Variants in GPHN observed in about 807,000 individuals in gnomAD.
GPHN encodes the protein gephyrin.
Under a neutral mutation model 95.5 loss-of-function variants are expected in GPHN, and 17 were observed. That is an observed-to-expected ratio of 0.18 (90% CI 0.12 to 0.27). The LOEUF (loss-of-function observed/expected upper bound fraction) is 0.27, where lower values mean the gene tolerates loss of function less well. GPHN is among the 10% of genes least tolerant of loss of function. The pLI is 1.00. For synonymous variants in GPHN, 320 were observed against 322.5 expected (o/e 0.99, Z 0.08); for missense variants, 660 against 978.1 (o/e 0.67, Z 4.34).
chr14:67,181,131 A>T lies in GPHN; in HGVS notation c.*194A>T, dbSNP rs182102253. The T allele has an allele frequency of 1.0e-4, 66 of 659,476 alleles. No homozygotes were observed. The East Asian group carries it at 1.4e-3, about 14-fold the overall frequency. 40.9% of individuals were successfully genotyped at this position (659,476 alleles called of 1,614,324 possible). On this transcript the variant is annotated 3_prime_UTR_variant, in exon 23 of 23. Transcript: ENST00000478722. ...ACCTAAAAATAAATCTTAACAGAAA[A>T]TTCTGTTCTGATTATATCAAGGCAA...
the GPHN span, among the ~76,000 whole-genome samples, chr14:67,262,134 C>G: frequency 6.6e-6 from 1 of 152,050 alleles, no homozygotes; most frequent in African/African-American, 2.4e-5. Flanking sequence ...ACCTGTCTAC[C>G]TTTCAGGGCA....
At chr14:67,057,354 A>G (rs2075628011) in intron 10 of GPHN, among the ~76,000 whole-genome samples, 1 of 145,466 alleles carries the variant, frequency 6.9e-6, no homozygotes, top group Non-Finnish European at 1.5e-5. Context: ...AAAACCAAAC[A>G]CTGCATGTTC....
chr14:67,552,488 C>A, the GPHN span, among the ~76,000 whole-genome samples: 1 of 152,204 alleles, frequency 6.6e-6, no homozygotes, highest in Non-Finnish European at 1.5e-5. Flanking sequence ...GAAGGACTGG[C>A]TGGGTGCGGT....
intron 2 of GPHN, among the ~76,000 whole-genome samples, chr14:66,723,069 G>A (rs914522974): frequency 6.6e-6 from 1 of 151,756 alleles, no homozygotes; most frequent in Non-Finnish European, 1.5e-5. Context: ...TTTTTTGTGT[G>A]TGTGACAGGG....
At chr14:67,289,704 T>G in the GPHN span, among the ~76,000 whole-genome samples, 21 of 152,060 alleles carry the variant, frequency 1.4e-4, no homozygotes, top group African/African-American at 5.1e-4. Context: ...GTCAGTGGTG[T>G]TTCTGCAGAC....
At chr14:67,527,767 C>T in the GPHN span, among the ~76,000 whole-genome samples, 1 of 152,354 alleles carries the variant, frequency 6.6e-6, no homozygotes, top group Non-Finnish European at 1.5e-5. Flanking sequence ...TTCTATTTTA[C>T]AGTTAGGTGA....
chr14:66,581,641 A>G (rs1487015625), intron 1 of GPHN, among the ~76,000 whole-genome samples: 4 of 151,980 alleles, frequency 2.6e-5, no homozygotes, highest in African/African-American at 7.2e-5. Context: ...TGTTCTGCCT[A>G]TAAGAGAATC....
At chr14:67,417,007 C>T in the GPHN span, among the ~76,000 whole-genome samples, 1 of 152,242 alleles carries the variant, frequency 6.6e-6, no homozygotes, top group African/African-American at 2.4e-5. Context: ...TTCAGTGAAT[C>T]AAGACCACGG....
chr14:67,581,249 A>G, the GPHN span, among the ~76,000 whole-genome samples: 168 of 149,958 alleles, frequency 1.1e-3, no homozygotes, highest in African/African-American at 3.9e-3. Flanking sequence ...AGCCTTCCCT[A>G]TACTGCGTGT....
chr14:67,673,860 A>G, the GPHN span, among the ~76,000 whole-genome samples: 1 of 152,158 alleles, frequency 6.6e-6, no homozygotes, highest in Admixed American at 6.5e-5. Flanking sequence ...AAAACGTTCA[A>G]AACAAGACCA....
chr14:66,869,932 T>C (rs2063367157), intron 4 of GPHN, among the ~76,000 whole-genome samples: 1 of 152,176 alleles, frequency 6.6e-6, no homozygotes, highest in Non-Finnish European at 1.5e-5. Flanking sequence ...ATTGGTTTAT[T>C]TATTCCTTCA....
At chr14:66,951,111 A>G (rs965324443) in intron 8 of GPHN, among the ~76,000 whole-genome samples, 64 of 152,000 alleles carry the variant, frequency 4.2e-4, no homozygotes, top group African/African-American at 1.5e-3. Context: ...TTTTTAGTAG[A>G]AACGGGATTT....
At chr14:67,464,226 TCCC>T in the GPHN span, among the ~76,000 whole-genome samples, 1 of 152,096 alleles carries the variant, frequency 6.6e-6, no homozygotes, top group African/African-American at 2.4e-5. Flanking sequence ...ATATTTCCAG[TCCC>T]GCTGACCGCA....
chr14:67,493,635 C>T, the GPHN span, among the ~76,000 whole-genome samples: 1 of 152,148 alleles, frequency 6.6e-6, no homozygotes, highest in Admixed American at 6.5e-5. Context: ...CAATACCCTG[C>T]CTGTTGGGGT....
At chr14:66,714,144 G>A (rs2069937337) in intron 2 of GPHN, among the ~76,000 whole-genome samples, 1 of 152,130 alleles carries the variant, frequency 6.6e-6, no homozygotes, top group African/African-American at 2.4e-5. Context: ...AGGGATGCTG[G>A]ATTGTGTCAT....
chr14:66,657,332 A>C (rs1207140095), intron 1 of GPHN, among the ~76,000 whole-genome samples: 1 of 152,206 alleles, frequency 6.6e-6, no homozygotes, highest in African/African-American at 2.4e-5. Flanking sequence ...CTGTAACATA[A>C]AAGTACAAGG....
the GPHN span, among the ~76,000 whole-genome samples, chr14:67,522,162 G>A: frequency 2.6e-5 from 4 of 152,100 alleles, no homozygotes; most frequent in African/African-American, 4.8e-5. Context: ...GACGGAGTGA[G>A]ACTCCGTCTC....
intron 9 of GPHN, among the ~76,000 whole-genome samples, chr14:67,020,008 G>C (rs1433222586): frequency 6.6e-6 from 1 of 152,152 alleles, no homozygotes; most frequent in East Asian, 1.9e-4. Context: ...GGAGGGTGGG[G>C]AGGTAAATGG....
intron 5 of GPHN, among the ~76,000 whole-genome samples, chr14:66,883,523 TCTTTTC>T (rs2064031408): frequency 2.0e-5 from 3 of 152,096 alleles, no homozygotes; most frequent in Admixed American, 1.3e-4. Flanking sequence ...TCGGTTGATT[TCTTTTC>T]CCATGAGAAC....
Sources: gnomAD v4.1 joint callset for allele counts (sites outside exome capture counted in the v4.1 genomes callset) on GRCh38, gnomAD v4.1.1 for gene constraint, MANE v1.5 for transcripts, NCBI Gene and HGNC (gene_info 2026-07-23, HGNC 2026-07-21) for gene names.